SLC4A5: variants seen among roughly 807,000 people sequenced by gnomAD.
The protein encoded by SLC4A5 is solute carrier family 4 member 5, also known as electrogenic sodium bicarbonate cotransporter 4.
In SLC4A5, 96 loss-of-function variants were observed where a neutral mutation model predicts 120.4. That is an observed-to-expected ratio of 0.80 (90% CI 0.68 to 0.94). SLC4A5 has a LOEUF of 0.94. Among genes scored for constraint, SLC4A5 ranks in the 40% least tolerant of loss-of-function variants. The pLI is 0.00. For synonymous variants in SLC4A5, 550 were observed against 571.1 expected (o/e 0.96, Z 0.53); for missense variants, 1,259 against 1,459.5 (o/e 0.86, Z 2.24).
intron 23 of SLC4A5, among the ~76,000 whole-genome samples, chr2:74,233,199 C>T (rs1361402442): frequency 6.6e-6 from 1 of 152,194 alleles, no homozygotes; most frequent in Non-Finnish European, 1.5e-5. Context: ...GGTCCTGGTC[C>T]TCAGAAAGTC....
chr2:74,286,581 G>A (rs747006926), intron 7 of SLC4A5, among the ~76,000 whole-genome samples: 1 of 151,982 alleles, frequency 6.6e-6, no homozygotes, highest in Non-Finnish European at 1.5e-5. Context: ...TACCTACTAT[G>A]TGCCAAATAA....
intron 8 of SLC4A5, among the ~76,000 whole-genome samples, chr2:74,266,371 T>A (rs2104060154): frequency 6.6e-6 from 1 of 152,234 alleles, no homozygotes; most frequent in South Asian, 2.1e-4. Context: ...TGTGCTCAGG[T>A]GATCTTCCCA....
chr2:74,329,999 T>C (rs1673312736), intron 4 of SLC4A5, among the ~76,000 whole-genome samples: 2 of 151,160 alleles, frequency 1.3e-5, no homozygotes. Flanking sequence ...GTATGAGGTA[T>C]ACATGGTGAT....
chr2:74,262,005 T>A (rs1671151777), intron 11 of SLC4A5, 132 bp downstream of exon 11: 2 of 720,540 alleles, frequency 2.8e-6, no homozygotes, highest in Admixed American at 5.6e-5. Context: ...AAAGTTAGGC[T>A]CCTCCTGATG....
intron 7 of SLC4A5, among the ~76,000 whole-genome samples, chr2:74,287,250 G>C (rs1672013400): frequency 6.6e-6 from 1 of 152,114 alleles, no homozygotes; most frequent in African/African-American, 2.4e-5. Context: ...GCCAGGCAAT[G>C]CCCAAACAAG....
intron 10 of SLC4A5, among the ~76,000 whole-genome samples, chr2:74,263,562 C>T (rs1461322562): frequency 6.6e-6 from 1 of 152,110 alleles, no homozygotes; most frequent in Non-Finnish European, 1.5e-5. Context: ...ATGCAACAAG[C>T]CACTCTCTCT....
chr2:74,290,554 G>C (rs1223963243), intron 7 of SLC4A5: 1 of 984,634 alleles, frequency 1.0e-6, no homozygotes, highest in Non-Finnish European at 1.2e-6. Context: ...AAGTGTTTGA[G>C]AGAGAAAAGC....
In SLC4A5 at chr2:74,235,084, G is replaced by A. The variant is rs200581483; in HGVS notation, c.2433+17C>T. ...GGCAGGCAGACTGGATGCCCAGAGC[G>A]AGGGAAAGGGGCAAACCTTGATGAC... On this transcript the variant is annotated intron_variant, in intron 22 of 30. Coordinates refer to ENST00000394019, the Ensembl canonical transcript of SLC4A5. The A allele has an allele frequency of 5.3e-5, 85 of 1,595,816 alleles. No homozygotes were observed. The African/African-American group carries it at 7.2e-4, about 14-fold the overall frequency.
chr2:74,257,750 G>A (rs1248057061), intron 12 of SLC4A5, among the ~76,000 whole-genome samples: 2 of 152,014 alleles, frequency 1.3e-5, no homozygotes, highest in Admixed American at 1.3e-4. Context: ...GCTAATTTTT[G>A]TATTTTTGAT....
chr2:74,294,680 ATTTT>A (rs11326076), intron 7 of SLC4A5, among the ~76,000 whole-genome samples: 1 of 140,152 alleles, frequency 7.1e-6, no homozygotes, highest in African/African-American at 2.6e-5. Context: ...AGTTTTTTGG[ATTTT>A]TTTTTTTTTT....
At chr2:74,313,814 G>C (rs992921211) in intron 6 of SLC4A5, among the ~76,000 whole-genome samples, 2 of 152,142 alleles carry the variant, frequency 1.3e-5, no homozygotes, top group African/African-American at 4.8e-5. Flanking sequence ...CCAACAGCAA[G>C]TTCCTATTCT....
At chr2:74,246,886 G>T in intron 19 of SLC4A5, 150 bp downstream of exon 19, 1 of 1,031,220 alleles carries the variant, frequency 9.7e-7, no homozygotes, top group Non-Finnish European at 1.4e-6. Context: ...TCCAAACACT[G>T]GGTTCAAGAC....
intron 7 of SLC4A5, among the ~76,000 whole-genome samples, chr2:74,298,859 A>C (rs1433592420): frequency 2.6e-5 from 4 of 152,192 alleles, no homozygotes; most frequent in Admixed American, 2.0e-4. Flanking sequence ...CAGCCTGGGC[A>C]ACACAGTGAG....
intron 7 of SLC4A5, among the ~76,000 whole-genome samples, chr2:74,294,459 AT>A (rs1672268148): frequency 6.6e-6 from 1 of 152,214 alleles, no homozygotes; most frequent in Non-Finnish European, 1.5e-5. Flanking sequence ...TGTTGTCCTT[AT>A]TGTTCTGTTT....
intron 1 of SLC4A5, among the ~76,000 whole-genome samples, chr2:74,342,906 C>T (rs3755442): frequency 0.21 from 31,957 of 152,010 alleles, 4,756 homozygotes; most frequent in East Asian, 0.47. Flanking sequence ...CCTTATTGAA[C>T]TGGAAGAAGT....
At position 74,260,895 on chromosome 2, in the gene SLC4A5, C is replaced by T. The variant is rs562011361; in HGVS notation, c.811+1242G>A. Among the ~76,000 whole-genome samples, 44 of 152,300 alleles carry T rather than the reference C, an allele frequency of 2.9e-4. No homozygotes were observed. In the South Asian group the frequency reaches 8.3e-3, roughly 29 times the overall value. ...CCCTCTTTGATTTGACTCTCTCTTC[C>T]CTTTAACTCCTGCACTTCCTGTGAA... is the stretch of plus-strand genomic sequence containing the variant. On this transcript the variant is annotated intron_variant, in intron 11 of 30. Transcript: ENST00000394019.
chr2:74,331,868 T>A (rs1013261987), intron 4 of SLC4A5, among the ~76,000 whole-genome samples: 2 of 152,112 alleles, frequency 1.3e-5, no homozygotes, highest in Non-Finnish European at 2.9e-5. Context: ...AAAATGGGCA[T>A]ATGTCATGAC....
chr2:74,296,305 G>C (rs1573073617), intron 7 of SLC4A5, among the ~76,000 whole-genome samples: 1 of 151,998 alleles, frequency 6.6e-6, no homozygotes, highest in Non-Finnish European at 1.5e-5. Context: ...CCCCAGGGTT[G>C]GGGGGAGCAT....
chr2:74,267,160 C>T (rs2104063823), intron 8 of SLC4A5, among the ~76,000 whole-genome samples: 1 of 152,290 alleles, frequency 6.6e-6, no homozygotes, highest in East Asian at 1.9e-4. Flanking sequence ...AAAAGATTGA[C>T]AACTTCCTGT....
Sources: allele counts gnomAD v4.1 joint callset (sites outside exome capture counted in the v4.1 genomes callset), GRCh38; gene constraint gnomAD v4.1.1; transcripts MANE v1.5; gene names NCBI Gene and HGNC (gene_info 2026-07-23, HGNC 2026-07-21).